TBC1D4: variants seen among roughly 807,000 people sequenced by gnomAD.
The protein encoded by TBC1D4 is TBC1 domain family member 4.
A neutral mutation model predicts 142.5 loss-of-function variants in TBC1D4; 121 were observed. That is an observed-to-expected ratio of 0.85 (90% confidence interval 0.73 to 0.99). The LOEUF (loss-of-function observed/expected upper bound fraction) is 0.99, where lower values mean the gene tolerates loss of function less well. Ranked by LOEUF, TBC1D4 falls within the 50% of genes least tolerant of loss-of-function variation. TBC1D4 has a pLI of 0.00. For missense variants in TBC1D4, 1,475 were observed against 1,606.6 expected, an observed-to-expected ratio of 0.92 and a Z score of 1.40; for synonymous variants, 630 against 628.2, an observed-to-expected ratio of 1.00 and a Z score of -0.04.
intron 1 of TBC1D4, among the ~76,000 whole-genome samples, chr13:75,365,389 T>C (rs1882853064): frequency 6.6e-6 from 1 of 151,660 alleles, no homozygotes; most frequent in African/African-American, 2.4e-5. Context: ...ACTAGCATTA[T>C]ACAGCCCCTG....
intron 1 of TBC1D4, among the ~76,000 whole-genome samples, chr13:75,451,286 T>C (rs1379354009): frequency 1.3e-5 from 2 of 152,126 alleles, no homozygotes; most frequent in African/African-American, 4.8e-5. Context: ...AAAGGTGCTC[T>C]ATAAAATAAT....
chr13:75,312,664 A>G (rs1269161499), intron 13 of TBC1D4, 74 bp downstream of exon 13: 57 of 1,579,578 alleles, frequency 3.6e-5, no homozygotes, highest in Non-Finnish European at 4.7e-5. Flanking sequence ...ATCTCTTTAT[A>G]CACAGCACGT....
chr13:75,358,811 C>T (rs1882273771), intron 3 of TBC1D4, among the ~76,000 whole-genome samples: 1 of 152,082 alleles, frequency 6.6e-6, no homozygotes, highest in Non-Finnish European at 1.5e-5. Context: ...CTGTAATGAG[C>T]CATGATCACG....
intron 20 of TBC1D4, 63 bp from the exon 21 acceptor site, chr13:75,287,088 C>A (rs1319538456): frequency 5.2e-6 from 7 of 1,340,548 alleles, no homozygotes; most frequent in Non-Finnish European, 7.5e-6. Context: ...ACAGTCCTTA[C>A]ACATATTAAC....
chr13:75,366,737 T>C (rs1385056450), intron 1 of TBC1D4, among the ~76,000 whole-genome samples: 1 of 152,202 alleles, frequency 6.6e-6, no homozygotes, highest in African/African-American at 2.4e-5. Flanking sequence ...TTCTTTCTCA[T>C]TAATTGGTTA....
chr13:75,384,932 A>G (rs1191213602), intron 1 of TBC1D4, among the ~76,000 whole-genome samples: 1 of 152,220 alleles, frequency 6.6e-6, no homozygotes, highest in Non-Finnish European at 1.5e-5. Flanking sequence ...TGCTTCTTTC[A>G]GCCCAGTGAA....
chr13:75,438,803 G>A (rs1182485521), intron 1 of TBC1D4, among the ~76,000 whole-genome samples: 3 of 152,032 alleles, frequency 2.0e-5, no homozygotes, highest in Non-Finnish European at 4.4e-5. Flanking sequence ...CAACAGATAC[G>A]TATCTATGTA....
chr13:75,355,745 C>A (rs1881990291), intron 4 of TBC1D4, among the ~76,000 whole-genome samples: 2 of 152,038 alleles, frequency 1.3e-5, no homozygotes, highest in Non-Finnish European at 2.9e-5. Flanking sequence ...AGAAGAAAAC[C>A]AAAATAGCTC....
intron 14 of TBC1D4, among the ~76,000 whole-genome samples, chr13:75,308,656 T>C (rs1566362055): frequency 6.6e-6 from 1 of 152,182 alleles, no homozygotes; most frequent in African/African-American, 2.4e-5. Flanking sequence ...GATGACCACC[T>C]TTTTTTCAAC....
chr13:75,448,679 A>T (rs1315810227), intron 1 of TBC1D4, among the ~76,000 whole-genome samples: 1 of 152,096 alleles, frequency 6.6e-6, no homozygotes, highest in Admixed American at 6.5e-5. Context: ...CGGTGTTTTT[A>T]ACCAAACACC....
chr13:75,299,138 G>C (rs1876250299), intron 17 of TBC1D4, among the ~76,000 whole-genome samples, 192 bp downstream of exon 17: 1 of 151,970 alleles, frequency 6.6e-6, no homozygotes, highest in African/African-American at 2.4e-5. Context: ...TCTGCCTCTG[G>C]GTCTCATACA....
chr13:75,372,780 AT>A (rs1883291117), intron 1 of TBC1D4, among the ~76,000 whole-genome samples: 1 of 152,192 alleles, frequency 6.6e-6, no homozygotes, highest in Non-Finnish European at 1.5e-5. Flanking sequence ...ATTAACTAGA[AT>A]TTTAGCTGAT....
chr13:75,320,466 A>C (rs1033537451), intron 11 of TBC1D4, among the ~76,000 whole-genome samples: 12 of 152,210 alleles, frequency 7.9e-5, no homozygotes, highest in African/African-American at 2.9e-4. Context: ...ACATTATATA[A>C]AATTATAGTT....
chr13:75,423,605 T>C (rs770300388), intron 1 of TBC1D4, among the ~76,000 whole-genome samples: 3 of 152,162 alleles, frequency 2.0e-5, no homozygotes, highest in Non-Finnish European at 4.4e-5. Flanking sequence ...ACATTTTAAT[T>C]CCTCTACTGA....
At chr13:75,287,676 T>C (rs1041334575) in intron 20 of TBC1D4, among the ~76,000 whole-genome samples, 3 of 152,202 alleles carry the variant, frequency 2.0e-5, no homozygotes, top group Non-Finnish European at 2.9e-5. Context: ...AAAAAAAGAT[T>C]TACATTTTCT....
At chr13:75,294,727 A>G (rs1875710844) in intron 18 of TBC1D4, 127 bp downstream of exon 18, 1 of 975,874 alleles carries the variant, frequency 1.0e-6, no homozygotes, top group Non-Finnish European at 1.5e-6. Context: ...CATTTATTAA[A>G]TTCCATTAGC....
At chr13:75,330,261 T>C (rs1445472638) in intron 8 of TBC1D4, among the ~76,000 whole-genome samples, 1 of 152,228 alleles carries the variant, frequency 6.6e-6, no homozygotes, top group Non-Finnish European at 1.5e-5. Context: ...ATCAGAAAGT[T>C]TAAACAGTTC....
At chr13:75,343,666 G>C (rs561599432) in intron 5 of TBC1D4, among the ~76,000 whole-genome samples, 1 of 151,892 alleles carries the variant, frequency 6.6e-6, no homozygotes, top group African/African-American at 2.4e-5. Flanking sequence ...ACAGGCATGC[G>C]CCACCACACC....
Position 75,329,698 on chromosome 13 carries a change from G to A in TBC1D4, c.1732-1872C>T, listed in dbSNP as rs975256678. 2.0e-5 allele frequency among the ~76,000 whole-genome samples: 3 copies of A among 152,292 alleles called. No individual in the cohort carries two copies. The East Asian group carries it at 5.8e-4, about 29-fold the overall frequency. On this transcript the variant is annotated intron_variant, in intron 8 of 20. Coordinates refer to ENST00000377636, the MANE Select transcript of TBC1D4 (RefSeq NM_014832.5). ...CCGGGTGCTTTCTGAGAAAGGGAGA[G>A]TGGGAACTAAATTTTTTAAAAAATG... is the stretch of plus-strand genomic sequence containing the variant.
Sources: gnomAD v4.1 joint callset for allele counts (sites outside exome capture counted in the v4.1 genomes callset) on GRCh38, gnomAD v4.1.1 for gene constraint, MANE v1.5 for transcripts, NCBI Gene and HGNC (gene_info 2026-07-23, HGNC 2026-07-21) for gene names.